Variants in TRPM7 observed in about 807,000 individuals in gnomAD.
TRPM7 encodes the protein transient receptor potential cation channel subfamily M member 7, also known as LTRPC ion channel family member 7.
TRPM7 carries 134 observed loss-of-function variants against 229.7 expected under a neutral mutation model. The observed-to-expected ratio is 0.58, with a 90% CI of 0.51 to 0.67. The LOEUF (loss-of-function observed/expected upper bound fraction) is 0.67, where lower values mean the gene tolerates loss of function less well. TRPM7 is among the 30% of genes least tolerant of loss of function. TRPM7 has a pLI of 0.00. For synonymous variants in TRPM7, 699 were observed against 715.2 expected, an observed-to-expected ratio of 0.98 and a Z score of 0.36; for missense variants, 1,901 against 2,210.0, an observed-to-expected ratio of 0.86 and a Z score of 2.80.
At chr15:50,674,711 G>A (rs1596347305) in intron 1 of TRPM7, among the ~76,000 whole-genome samples, 1 of 152,184 alleles carries the variant, frequency 6.6e-6, no homozygotes, top group East Asian at 1.9e-4. Context: ...AGCATTTCTT[G>A]TAACACAGGT....
chr15:50,601,180 C>T (rs2059771405), intron 21 of TRPM7, among the ~76,000 whole-genome samples: 4 of 152,252 alleles, frequency 2.6e-5, no homozygotes, highest in Admixed American at 1.3e-4. Flanking sequence ...TCTGTATTGA[C>T]GTAAACTAAA....
In TRPM7 at chr15:50,574,458, C is replaced by T. The variant is rs56325338; in HGVS notation, c.5124G>A (p.Leu1708=). The T allele has an allele frequency of 9.1e-5, 146 of 1,612,996 alleles. No homozygotes were observed. In the African/African-American group the frequency reaches 1.7e-3, roughly 19 times the overall value. The change falls in exon 36 of 39, where the codon CTG becomes CTA. Residue 1708 remains leucine, a synonymous_variant. Coordinates refer to ENST00000646667, the MANE Select transcript of TRPM7 (RefSeq NM_017672.6). ...ACCACTGTCCTGCTGAATGGCAATA[C>T]AGCAGGAAAACTTCAAGGAACCTTA... ...YSPRFLEVFL[L]YCHSAGQWFA... is the part of the protein sequence containing the mutation.
chr15:50,611,360 A>C, intron 16 of TRPM7, 39 bp from the exon 17 acceptor site: 1 of 1,512,268 alleles, frequency 6.6e-7, no homozygotes, highest in Non-Finnish European at 9.1e-7. Flanking sequence ...TCAGATTAAC[A>C]AACTGCAATT....
intron 7 of TRPM7, 53 bp downstream of exon 7, chr15:50,637,369 A>G: frequency 6.6e-7 from 1 of 1,520,064 alleles, no homozygotes; most frequent in South Asian, 1.2e-5. Flanking sequence ...GAATTTGGCT[A>G]TTAGTACAGC....
intron 1 of TRPM7, among the ~76,000 whole-genome samples, chr15:50,673,402 C>A (rs1426444475): frequency 2.6e-5 from 4 of 152,134 alleles, no homozygotes; most frequent in Non-Finnish European, 4.4e-5. Flanking sequence ...TATTTGTAGT[C>A]TTTTATCCCT....
At chr15:50,602,567 C>CT (rs2059809245) in intron 21 of TRPM7, among the ~76,000 whole-genome samples, 1 of 152,182 alleles carries the variant, frequency 6.6e-6, no homozygotes. Flanking sequence ...ACTAGCTCTT[C>CT]TATCTTCACG....
rs371277299 is a variant in TRPM7 at position 50,613,859 on chromosome 15, T to C, written c.1636-18A>G. 17 of 1,603,638 alleles carry C rather than the reference T, an allele frequency of 1.1e-5. No individual in the cohort carries two copies. The highest frequency in any genetic ancestry group is 3.4e-5 in the South Asian group (3 of 88,462). On this transcript the variant is annotated intron_variant, in intron 14 of 38. Coordinates refer to ENST00000646667, the MANE Select transcript of TRPM7 (RefSeq NM_017672.6). ...CCAGACCTCTGAAAATGAGATCTTA[T>C]TAGCTTTTATAGATTTAAACGTGCT...
At chr15:50,606,076 G>A (rs1255440617) in intron 20 of TRPM7, among the ~76,000 whole-genome samples, 2 of 152,158 alleles carry the variant, frequency 1.3e-5, no homozygotes, top group Non-Finnish European at 2.9e-5. Flanking sequence ...ACTTATGCAA[G>A]TATGTTATAA....
chr15:50,645,289 G>A (rs1419246771), intron 4 of TRPM7, among the ~76,000 whole-genome samples: 2 of 151,994 alleles, frequency 1.3e-5, no homozygotes, highest in Non-Finnish European at 2.9e-5. Flanking sequence ...TGATCTGCCT[G>A]CCTCGGCCTC....
At chr15:50,579,556 A>G (rs962831607) in intron 30 of TRPM7, among the ~76,000 whole-genome samples, 6 of 152,196 alleles carry the variant, frequency 3.9e-5, no homozygotes, top group African/African-American at 1.4e-4. Flanking sequence ...CAGGGTCAGC[A>G]TTCTGCAAGA....
At chr15:50,618,500 G>A (rs1194615995) in intron 13 of TRPM7, among the ~76,000 whole-genome samples, 2 of 151,920 alleles carry the variant, frequency 1.3e-5, no homozygotes, top group East Asian at 1.9e-4. Context: ...AACCTGGGAG[G>A]TGGAGCTTGC....
intron 3 of TRPM7, among the ~76,000 whole-genome samples, chr15:50,650,422 C>T (rs1323948297): frequency 3.9e-5 from 6 of 151,906 alleles, no homozygotes; most frequent in Non-Finnish European, 7.4e-5. Flanking sequence ...AGACCAGGCA[C>T]GGTGGCTCAT....
At chr15:50,601,719 T>C (rs904665292) in intron 21 of TRPM7, among the ~76,000 whole-genome samples, 5 of 152,086 alleles carry the variant, frequency 3.3e-5, no homozygotes, top group African/African-American at 9.7e-5. Flanking sequence ...GTGAGAAGTT[T>C]AGCATTTACC....
At chr15:50,680,063 G>C (rs1471076654) in intron 1 of TRPM7, among the ~76,000 whole-genome samples, 1 of 151,896 alleles carries the variant, frequency 6.6e-6, no homozygotes, top group Non-Finnish European at 1.5e-5. Flanking sequence ...GTGAAACCCT[G>C]TCTCTGCTAA....
intron 23 of TRPM7, among the ~76,000 whole-genome samples, chr15:50,595,220 T>G (rs561342034): frequency 6.6e-6 from 1 of 151,704 alleles, no homozygotes; most frequent in Non-Finnish European, 1.5e-5. Context: ...ATAATTTTAT[T>G]TACTATCAAA....
intron 26 of TRPM7, among the ~76,000 whole-genome samples, chr15:50,591,404 G>C (rs2059488465): frequency 6.6e-6 from 1 of 151,616 alleles, no homozygotes; most frequent in Non-Finnish European, 1.5e-5. Flanking sequence ...AAATTCAAAA[G>C]ACAGAACCTA....
Position 50,570,012 on chromosome 15 carries a change from TA to T in TRPM7, c.5361-20del, listed in dbSNP as rs754481499. 1.3e-6 allele frequency: 2 copies of T among 1,586,828 alleles called. No homozygotes were observed. Among genetic ancestry groups the T allele is most frequent in the Admixed American group, 1.8e-5 (1 of 55,370 alleles). ...ACAGGATCTGTAGAATTGGTAATTT[TA>T]AAAAAAACAACAAAAAAAAGGGGGC... is the stretch of plus-strand genomic sequence containing the variant. On this transcript the variant is annotated intron_variant, in intron 37 of 38. Transcript: ENST00000646667.
At chr15:50,656,007 AAC>A (rs968056470) in intron 3 of TRPM7, among the ~76,000 whole-genome samples, 5 of 113,916 alleles carry the variant, frequency 4.4e-5, no homozygotes, top group East Asian at 2.8e-4. Context: ...AAAAGAAAAA[AAC>A]AAAAAAAAAA....
At chr15:50,639,212 G>C (rs2061012022) in intron 6 of TRPM7, among the ~76,000 whole-genome samples, 1 of 152,014 alleles carries the variant, frequency 6.6e-6, no homozygotes, top group Non-Finnish European at 1.5e-5. Context: ...CACTGTAACA[G>C]CATTTATATT....
Sources: gnomAD v4.1 joint callset for allele counts (sites outside exome capture counted in the v4.1 genomes callset) on GRCh38, gnomAD v4.1.1 for gene constraint, MANE v1.5 for transcripts, NCBI Gene and HGNC (gene_info 2026-07-23, HGNC 2026-07-21) for gene names.